The following ARHGAP25 variants were observed in gnomAD, a reference collection of about 807,000 sequenced individuals.
ARHGAP25 encodes the protein rho GTPase-activating protein 25.
A neutral mutation model predicts 71.0 loss-of-function variants in ARHGAP25; 34 were observed. That is an observed-to-expected ratio of 0.48 (90% CI 0.36 to 0.64). The LOEUF (loss-of-function observed/expected upper bound fraction) is 0.64, where lower values mean the gene tolerates loss of function less well. Among genes scored for constraint, ARHGAP25 ranks in the 30% least tolerant of loss-of-function variants. The pLI is 0.00. For synonymous variants in ARHGAP25, 282 were observed against 296.5 expected, an observed-to-expected ratio of 0.95 and a Z score of 0.50; for missense variants, 706 against 805.1, an observed-to-expected ratio of 0.88 and a Z score of 1.49.
chr2:68,748,842 A>C (rs995032992), intron 1 of ARHGAP25, among the ~76,000 whole-genome samples: 11 of 152,196 alleles, frequency 7.2e-5, no homozygotes, highest in African/African-American at 2.4e-4. Flanking sequence ...TACAAGGGGT[A>C]TGTCTTGCTC....
At chr2:68,809,582 G>C (rs1680626345) in intron 5 of ARHGAP25, among the ~76,000 whole-genome samples, 1 of 152,166 alleles carries the variant, frequency 6.6e-6, no homozygotes, top group East Asian at 1.9e-4. Context: ...CAGGAAAGGG[G>C]GAAAGGGAGG....
intron 1 of ARHGAP25, among the ~76,000 whole-genome samples, chr2:68,742,530 T>A: frequency 6.6e-6 from 1 of 152,178 alleles, no homozygotes; most frequent in East Asian, 1.9e-4. Flanking sequence ...CTCATGCAGT[T>A]ATTGTGAGGG....
chr2:68,799,479 C>T (rs772211963), intron 4 of ARHGAP25, among the ~76,000 whole-genome samples: 15 of 152,170 alleles, frequency 9.9e-5, no homozygotes, highest in African/African-American at 9.7e-5. Flanking sequence ...AAAGCATTTC[C>T]AGGGAATGGT....
At chr2:68,763,572 G>T (rs976714815) in intron 1 of ARHGAP25, among the ~76,000 whole-genome samples, 1 of 152,074 alleles carries the variant, frequency 6.6e-6, no homozygotes, top group Admixed American at 6.6e-5. Flanking sequence ...TTTATCAAAA[G>T]CAAGTTCATA....
chr2:68,726,815 G>A (rs1174092109), intron 2 of ARHGAP25, among the ~76,000 whole-genome samples: 1 of 152,164 alleles, frequency 6.6e-6, no homozygotes, highest in Non-Finnish European at 1.5e-5. Flanking sequence ...CATCCACTGG[G>A]CTCACACAGA....
upstream of ARHGAP25, among the ~76,000 whole-genome samples, chr2:68,730,742 A>G (rs1675002646): frequency 6.6e-6 from 1 of 152,084 alleles, no homozygotes. Context: ...TGCAACTTCA[A>G]CTAGTGGGTA....
At chr2:68,779,492 A>C (rs1310461075) in intron 2 of ARHGAP25, among the ~76,000 whole-genome samples, 34 of 152,246 alleles carry the variant, frequency 2.2e-4, no homozygotes, top group Admixed American at 6.5e-5. Flanking sequence ...TAACTGGCTT[A>C]AAACTTAACA....
Position 68,738,765 on chromosome 2 carries a change from G to A in ARHGAP25, c.61+3505G>A, listed in dbSNP as rs1020095338. 3.9e-4 allele frequency among the ~76,000 whole-genome samples: 59 copies of A among 150,836 alleles called. 1 individual carries two copies. The highest frequency in any genetic ancestry group is 1.3e-3 in the African/African-American group (52 of 41,020). ...GAATCCGGGAGGCGGAGGTTGTAGT[G>A]AGCCACGATCATGCCACTGCACTCC... On this transcript the variant is annotated intron_variant, in intron 1 of 10. Coordinates refer to ENST00000409202, the MANE Select transcript of ARHGAP25 (RefSeq NM_001007231.3).
rs190147391 is a variant in ARHGAP25 at position 68,745,436 on chromosome 2, A to G, written c.61+10176A>G. ...CCATTTTTTCACTATCAGTCACCCC[A>G]TTAGGTCCTCCTTACCATAGATTCA... On this transcript the variant is annotated intron_variant, in intron 1 of 10. Coordinates refer to ENST00000409202, the MANE Select transcript of ARHGAP25 (RefSeq NM_001007231.3). Among the ~76,000 whole-genome samples, 23 of 152,242 alleles carry G rather than the reference A, an allele frequency of 1.5e-4. 1 individual carries two copies. In the East Asian group the frequency reaches 3.9e-3, roughly 26 times the overall value.
At chr2:68,742,184 C>G (rs1219772029) in intron 1 of ARHGAP25, among the ~76,000 whole-genome samples, 1 of 152,190 alleles carries the variant, frequency 6.6e-6, no homozygotes, top group Non-Finnish European at 1.5e-5. Flanking sequence ...CTGCGATACC[C>G]CACTGCTGGA....
chr2:68,773,144 C>T (rs1677592864), intron 1 of ARHGAP25, among the ~76,000 whole-genome samples: 1 of 152,134 alleles, frequency 6.6e-6, no homozygotes, highest in South Asian at 2.1e-4. Context: ...GAGTCCTCTT[C>T]AGACAGCAAT....
intron 1 of ARHGAP25, among the ~76,000 whole-genome samples, chr2:68,760,725 C>T (rs756554469): frequency 6.6e-6 from 1 of 151,808 alleles, no homozygotes; most frequent in Non-Finnish European, 1.5e-5. Context: ...ATCCCAGGCT[C>T]CCTAGGTTGG....
intron 4 of ARHGAP25, among the ~76,000 whole-genome samples, chr2:68,802,978 TATATATACACAC>T (rs1447095813): frequency 1.3e-5 from 1 of 74,230 alleles, no homozygotes; most frequent in African/African-American, 3.3e-5. Context: ...TATATACACA[TATATATACACAC>T]ATATACATAC....
At chr2:68,720,946 C>T (rs868005407) in intron 2 of ARHGAP25, among the ~76,000 whole-genome samples, 2 of 152,196 alleles carry the variant, frequency 1.3e-5, no homozygotes, top group African/African-American at 4.8e-5. Context: ...TCTGTACTCA[C>T]AGATGTGGCT....
chr2:68,796,954 A>T (rs1014516165), intron 4 of ARHGAP25, among the ~76,000 whole-genome samples: 1 of 152,154 alleles, frequency 6.6e-6, no homozygotes, highest in East Asian at 1.9e-4. Flanking sequence ...TCAAGTTTCA[A>T]TGGGCTGTGT....
At chr2:68,820,347 C>T (rs1010730362) in intron 9 of ARHGAP25, among the ~76,000 whole-genome samples, 5 of 152,206 alleles carry the variant, frequency 3.3e-5, no homozygotes, top group African/African-American at 9.6e-5. Context: ...ATTTATCATT[C>T]GTATTGTGTT....
Position 68,760,853 on chromosome 2 carries a change from T to C in ARHGAP25, c.62-14368T>C, listed in dbSNP as rs540461042. 1.2e-3 allele frequency among the ~76,000 whole-genome samples: 151 copies of C among 128,528 alleles called. 1 individual carries two copies. Among genetic ancestry groups the C allele is most frequent in the African/African-American group, 4.3e-3 (145 of 33,704 alleles). 84.3% of individuals were successfully genotyped at this position (128,528 alleles called of 152,430 possible). ...AAAGTTCATATGGAAACTCAAGGGA[T>C]CCTGAATAGCAAAAAAAAAAAAAAA... On this transcript the variant is annotated intron_variant, in intron 1 of 10. Coordinates refer to ENST00000409202, the MANE Select transcript of ARHGAP25 (RefSeq NM_001007231.3).
intron 3 of ARHGAP25, 89 bp from the exon 4 acceptor site, chr2:68,787,751 C>T (rs1678857444): frequency 9.9e-7 from 1 of 1,009,890 alleles, no homozygotes; most frequent in Non-Finnish European, 1.6e-6. Context: ...TGAACCAAGA[C>T]ATCAATTTAG....
At chr2:68,727,341 A>T (rs1386629558) in intron 2 of ARHGAP25, among the ~76,000 whole-genome samples, 1 of 152,250 alleles carries the variant, frequency 6.6e-6, no homozygotes, top group East Asian at 1.9e-4. Flanking sequence ...GGGTACAAAA[A>T]GTATTATGCT....
Sources: allele counts gnomAD v4.1 joint callset (sites outside exome capture counted in the v4.1 genomes callset), GRCh38; gene constraint gnomAD v4.1.1; transcripts MANE v1.5; gene names NCBI Gene and HGNC (gene_info 2026-07-23, HGNC 2026-07-21).